The following OR5T1 variants were observed in gnomAD, a reference collection of about 807,000 sequenced individuals.
The protein encoded by OR5T1 is olfactory receptor family 5 subfamily T member 1.
In OR5T1, 14 loss-of-function variants were observed where a neutral mutation model predicts 10.1. That is an observed-to-expected ratio of 1.39 (90% confidence interval 0.92 to 2.18). The LOEUF (loss-of-function observed/expected upper bound fraction) is 2.18, where lower values mean the gene tolerates loss of function less well. Ranked by LOEUF, OR5T1 falls within the 30% of genes most tolerant of loss-of-function variation. The pLI, the probability that OR5T1 is intolerant of heterozygous loss-of-function variation, is 0.00. For missense variants in OR5T1, 461 were observed against 383.9 expected, an observed-to-expected ratio of 1.20 and a Z score of -1.68; for synonymous variants, 166 against 141.2, an observed-to-expected ratio of 1.18 and a Z score of -1.24.
At position 56,275,628 on chromosome 11, in the gene OR5T1, C is replaced by A. The variant is rs747675285; in HGVS notation, c.-11C>A. ...GGCTGTTGCATTTAGTACATATAAA[C>A]AATAGCTAAAATGTCAGGGTTGCCT... On this transcript the variant is annotated 5_prime_UTR_variant, in exon 3 of 3. Transcript: ENST00000641665. The A allele has an allele frequency of 1.3e-5, 20 of 1,544,934 alleles. No individual in the cohort carries two copies. Among genetic ancestry groups the A allele is most frequent in the Admixed American group, 2.1e-5 (1 of 48,126 alleles).
In OR5T1 at chr11:56,275,612, A is replaced by G; in HGVS notation, c.-27A>G. The G allele has an allele frequency of 6.6e-7, 1 of 1,516,450 alleles. No individual in the cohort carries two copies. Among genetic ancestry groups the G allele is most frequent in the Non-Finnish European group, 8.8e-7 (1 of 1,132,284 alleles). The allele number at this position is 1,516,450 out of a possible 1,614,324, so 93.9% of individuals were successfully genotyped here. A position where few individuals can be genotyped will look rare whatever the true frequency, so the allele number is the denominator to read the frequency against. On this transcript the variant is annotated 5_prime_UTR_variant, in exon 3 of 3. Coordinates refer to ENST00000641665, the MANE Select transcript of OR5T1 (RefSeq NM_001004745.2). The stretch of plus-strand genomic sequence containing the variant: ...AAACTTAATTTTCACAGGCTGTTGC[A>G]TTTAGTACATATAAACAATAGCTAA...
At position 56,275,748 on chromosome 11, in the gene OR5T1, T is replaced by A; in HGVS notation, c.110T>A (p.Val37Asp). ...TTCACAGAAGAATTTGATGTGCAAG[T>A]CTTCCTATTTTTATTATTTTTAGCA... ...ISFTEEFDVQVFLFLLFLAIY... is the reference protein window; with the variant it reads ...ISFTEEFDVQDFLFLLFLAIY... The change falls in exon 3 of 3, where the codon GTC (valine) becomes GAC (aspartate). Residue 37 changes from valine to aspartate, a missense_variant. Physicochemically the swap from Val to Asp is radical, Grantham distance 152 (BLOSUM62 -3). Transcript: ENST00000641665. 6.2e-7 allele frequency: 1 copy of A among 1,611,718 alleles called. No homozygotes were observed. The highest frequency in any genetic ancestry group is 8.5e-7 in the Non-Finnish European group (1 of 1,177,954).
chr11:56,274,945 T>C (rs963234095), intron 2 of OR5T1, among the ~76,000 whole-genome samples, 192 bp downstream of exon 2: 13 of 152,334 alleles, frequency 8.5e-5, no homozygotes, highest in Admixed American at 2.0e-4. Flanking sequence ...CCCACTCTTA[T>C]AATGTAGATA....
At chr11:56,274,582 T>C (rs982833077) in intron 1 of OR5T1, 54 bp from the exon 2 acceptor site, 21 of 152,036 alleles carry the variant, frequency 1.4e-4, no homozygotes, top group African/African-American at 4.8e-4. Flanking sequence ...AAAATAATAA[T>C]GCTTAAAAAA....
chr11:56,276,567 A>G lies in OR5T1; in HGVS notation c.929A>G (p.Lys310Arg), dbSNP rs1853953139. 1 of 1,612,710 alleles carries G rather than the reference A, an allele frequency of 6.2e-7. No homozygotes were observed. The highest frequency in any genetic ancestry group is 2.2e-5 in the East Asian group (1 of 44,848). Reference protein sequence around the residue: ...IIYSLRNKDVKEAIKRLLVRN... With the variant: ...IIYSLRNKDVREAIKRLLVRN... Reference sequence around the variant, plus strand: ...TACAGTTTGCGGAACAAAGATGTAAAGGAGGCAATCAAAAGATTGCTTGTG... The same window carrying G: ...TACAGTTTGCGGAACAAAGATGTAAGGGAGGCAATCAAAAGATTGCTTGTG... Residue 310 changes from lysine to arginine, a missense_variant, in exon 3 of 3, where the codon AAG becomes AGG. Transcript: ENST00000641665.
rs1360953238 is a variant in OR5T1 at position 56,275,925 on chromosome 11, A to G, written c.287A>G (p.Asn96Ser). 6 of 1,614,130 alleles carry G rather than the reference A, an allele frequency of 3.7e-6. No homozygotes were observed. Among genetic ancestry groups the G allele is most frequent in the Non-Finnish European group, 5.1e-6 (6 of 1,180,026 alleles). ...GTTGTCACTCCAAAAATGTTGGTCAATTTCCTGGCAAAAAATAAATCTATT... is the reference window on the plus strand; with the variant it reads ...GTTGTCACTCCAAAAATGTTGGTCAGTTTCCTGGCAAAAAATAAATCTATT... ...STVVTPKMLV[N>S]FLAKNKSISF... Residue 96 changes from asparagine to serine, a missense_variant, in exon 3 of 3, where the codon AAT becomes AGT. By Grantham distance (46) the Asn-to-Ser change is conservative. Coordinates refer to ENST00000641665, the MANE Select transcript of OR5T1 (RefSeq NM_001004745.2).
At position 56,275,760 on chromosome 11, in the gene OR5T1, T is replaced by TA. The variant is rs781644167; in HGVS notation, c.123dup (p.Leu42IlefsTer61). On this transcript the variant is annotated frameshift_variant, in exon 3 of 3. Transcript: ENST00000641665. LOFTEE classifies it high-confidence loss of function. ...TTTGATGTGCAAGTCTTCCTATTTT[T>TA]ATTATTTTTAGCAATCTATCTATTC... 6.2e-7 allele frequency: 1 copy of TA among 1,612,366 alleles called. No individual in the cohort carries two copies. Among genetic ancestry groups the TA allele is most frequent in the African/African-American group, 1.3e-5 (1 of 74,900 alleles).
rs1056234966 is a variant in OR5T1 at position 56,275,493 on chromosome 11, T to C, written c.-146T>C. 9 of 581,544 alleles carry C rather than the reference T, an allele frequency of 1.5e-5. No homozygotes were observed. Among genetic ancestry groups the C allele is most frequent in the Admixed American group, 1.1e-4 (4 of 35,884 alleles). The allele number at this position is 581,544 out of a possible 1,614,324, so 36.0% of individuals were successfully genotyped here. A position where few individuals can be genotyped will look rare whatever the true frequency, so the allele number is the denominator to read the frequency against. ...TAATTTATTTAATTACAGTAATGTA[T>C]CCACTTGGACCCAATTTTATCACCA... On this transcript the variant is annotated 5_prime_UTR_variant, in exon 3 of 3. Coordinates refer to ENST00000641665, the MANE Select transcript of OR5T1 (RefSeq NM_001004745.2).
Position 56,276,632 on chromosome 11 carries a change from G to A in OR5T1, c.*13G>A, listed in dbSNP as rs1436418327. 7.0e-6 allele frequency: 11 copies of A among 1,578,064 alleles called. No homozygotes were observed. Among genetic ancestry groups the A allele is most frequent in the Non-Finnish European group, 9.5e-6 (11 of 1,157,798 alleles). On this transcript the variant is annotated 3_prime_UTR_variant, in exon 3 of 3. Transcript: ENST00000641665. ...AAATAAGTTATAGTTTTAAAATTGA[G>A]TAAAGTTGCAAATAATATTGGGTGT...
chr11:56,274,377 T>C (rs1203857891), intron 1 of OR5T1, among the ~76,000 whole-genome samples: 1 of 152,144 alleles, frequency 6.6e-6, no homozygotes, highest in Non-Finnish European at 1.5e-5. Context: ...TAAAAATAAT[T>C]GTATTACTTG....
intron 2 of OR5T1, among the ~76,000 whole-genome samples, 170 bp from the exon 3 acceptor site, chr11:56,275,316 C>T (rs1212456906): frequency 1.3e-5 from 2 of 152,160 alleles, no homozygotes; most frequent in Non-Finnish European, 2.9e-5. Flanking sequence ...TTCCTATGTC[C>T]ATGTGTTCTC....
rs979052926 is a variant in OR5T1 at position 56,275,652 on chromosome 11, C to G, written c.14C>G (p.Pro5Arg). ...ACAATAGCTAAAATGTCAGGGTTGC[C>G]TTCAGATATGGATCTATACAAGCTT... The part of the protein sequence containing the change: MSGL[P>R]SDMDLYKLQL... Residue 5 changes from proline (P) to arginine (R), a missense_variant, in exon 3 of 3, where the codon CCT (proline) becomes CGT (arginine). Transcript: ENST00000641665. 1 of 1,573,320 alleles carries G rather than the reference C, an allele frequency of 6.4e-7. No homozygotes were observed. The highest frequency in any genetic ancestry group is 1.2e-5 in the South Asian group (1 of 83,276).
intron 2 of OR5T1, 101 bp downstream of exon 2, chr11:56,274,854 G>A (rs1455954764): frequency 1.3e-5 from 2 of 151,238 alleles, no homozygotes; most frequent in East Asian, 1.9e-4. Flanking sequence ...TTTAATATAA[G>A]CCTGACATTG....
In OR5T1 at chr11:56,276,199, G is replaced by T; in HGVS notation, c.561G>T (p.Arg187Ser). 6.2e-7 allele frequency: 1 copy of T among 1,614,006 alleles called. No individual in the cohort carries two copies. Among genetic ancestry groups the T allele is most frequent in the South Asian group, 1.1e-5 (1 of 91,082 alleles). ...CCTTCTGTGGATCCAATGAAATTAG[G>T]CATGTCTTTTGTAATATGCCTCCTC... ...SLSFCGSNEI[R>S]HVFCNMPPLL... Residue 187 changes from arginine to serine, a missense_variant, in exon 3 of 3, where the codon AGG (arginine) becomes AGT (serine). Arg to Ser is a moderately radical substitution (Grantham distance 110). Coordinates refer to ENST00000641665, the MANE Select transcript of OR5T1 (RefSeq NM_001004745.2).
Position 56,276,640 on chromosome 11 carries a change from G to A in OR5T1, c.*21G>A. On this transcript the variant is annotated 3_prime_UTR_variant, in exon 3 of 3. Coordinates refer to ENST00000641665, the MANE Select transcript of OR5T1 (RefSeq NM_001004745.2). Reference sequence around the variant, plus strand: ...TATAGTTTTAAAATTGAGTAAAGTTGCAAATAATATTGGGTGTCAGTCCAC... The same window carrying A: ...TATAGTTTTAAAATTGAGTAAAGTTACAAATAATATTGGGTGTCAGTCCAC... The A allele has an allele frequency of 1.9e-6, 3 of 1,562,558 alleles. No individual in the cohort carries two copies. The highest frequency in any genetic ancestry group is 2.6e-6 in the Non-Finnish European group (3 of 1,146,236).
Position 56,276,042 on chromosome 11 carries a change from A to G in OR5T1, c.404A>G (p.Tyr135Cys). The G allele has an allele frequency of 1.2e-6, 2 of 1,614,186 alleles. No homozygotes were observed. Among genetic ancestry groups the G allele is most frequent in the African/African-American group, 1.3e-5 (1 of 75,050 alleles). ...FLLAAMAYDR[Y>C]VAIYNPLLYS... ...TTGGCTGCAATGGCTTATGATCGCTATGTAGCCATCTACAACCCTCTCCTG... is the reference window on the plus strand; with the variant it reads ...TTGGCTGCAATGGCTTATGATCGCTGTGTAGCCATCTACAACCCTCTCCTG... The change falls in exon 3 of 3, where the codon TAT (tyrosine) becomes TGT (cysteine). Residue 135 changes from tyrosine to cysteine, a missense_variant. Coordinates refer to ENST00000641665, the MANE Select transcript of OR5T1 (RefSeq NM_001004745.2).
At position 56,275,699 on chromosome 11, in the gene OR5T1, G is replaced by A. The variant is rs1853928341; in HGVS notation, c.61G>A (p.Val21Ile). 1 of 1,607,720 alleles carries A rather than the reference G, an allele frequency of 6.2e-7. No individual in the cohort carries two copies. Among genetic ancestry groups the A allele is most frequent in the East Asian group, 2.2e-5 (1 of 44,810 alleles). ...GCTTCAATTAAACAATTTTACTGAA[G>A]TCACCATGTTTATATTAATAAGCTT... ...YKLQLNNFTE[V>I]TMFILISFTE... The change falls in exon 3 of 3, where the codon GTC becomes ATC. Residue 21 changes from valine to isoleucine, a missense_variant. Transcript: ENST00000641665.
chr11:56,276,585 T>A lies in OR5T1; in HGVS notation c.947T>A (p.Leu316Ter), dbSNP rs905628820. The A allele has an allele frequency of 1.2e-6, 2 of 1,610,484 alleles. No individual in the cohort carries two copies. The highest frequency in any genetic ancestry group is 1.7e-6 in the Non-Finnish European group (2 of 1,178,506). The change falls in exon 3 of 3, where the codon TTG becomes TAG. Residue 316 changes from leucine to a stop codon, truncating the protein, a stop_gained. Transcript: ENST00000641665. LOFTEE classifies it low-confidence loss of function (END_TRUNC). ...GATGTAAAGGAGGCAATCAAAAGAT[T>A]GCTTGTGAGAAATTGGTTCATAAAT... ...NKDVKEAIKR[L>*]LVRNWFINKL
At chr11:56,274,911 A>C (rs1030086358) in intron 2 of OR5T1, among the ~76,000 whole-genome samples, 158 bp downstream of exon 2, 1 of 152,186 alleles carries the variant, frequency 6.6e-6, no homozygotes, top group African/African-American at 2.4e-5. Context: ...TAACTTACAT[A>C]CTGTTTTTCC....
Sources: gnomAD v4.1 joint callset for allele counts (sites outside exome capture counted in the v4.1 genomes callset) on GRCh38, gnomAD v4.1.1 for gene constraint, MANE v1.5 for transcripts, NCBI Gene and HGNC (gene_info 2026-07-23, HGNC 2026-07-21) for gene names.